Variants in OSBPL6 observed in about 807,000 individuals in gnomAD.
The protein encoded by OSBPL6 is oxysterol-binding protein-related protein 6.
Under a neutral mutation model 125.8 loss-of-function variants are expected in OSBPL6, and 49 were observed. That is an observed-to-expected ratio of 0.39 (90% CI 0.31 to 0.49). The LOEUF is 0.49. Ranked by LOEUF, OSBPL6 falls within the 20% of genes least tolerant of loss-of-function variation. The pLI is 0.88. For missense variants in OSBPL6, 986 were observed against 1,135.4 expected, an observed-to-expected ratio of 0.87 and a Z score of 1.89; for synonymous variants, 394 against 391.8, an observed-to-expected ratio of 1.01 and a Z score of -0.07.
chr2:178,392,905 G>A lies in OSBPL6; in HGVS notation c.2573+367G>A, dbSNP rs549974343. Reference sequence around the variant, plus strand: ...ACTATTATGGCTTGGGGCTTTAGAGGTCATTGTGACTTATTTTTACTACCA... The same window carrying A: ...ACTATTATGGCTTGGGGCTTTAGAGATCATTGTGACTTATTTTTACTACCA... On this transcript the variant is annotated intron_variant, in intron 23 of 24. Coordinates refer to ENST00000190611, the MANE Select transcript of OSBPL6 (RefSeq NM_032523.4). Among the ~76,000 whole-genome samples the A allele has an allele frequency of 5.3e-5, 8 of 150,240 alleles. No homozygotes were observed. The East Asian group carries it at 1.2e-3, about 22-fold the overall frequency.
At chr2:178,292,232 T>G (rs2154046539) in intron 2 of OSBPL6, among the ~76,000 whole-genome samples, 1 of 152,274 alleles carries the variant, frequency 6.6e-6, no homozygotes, top group Non-Finnish European at 1.5e-5. Flanking sequence ...AATCCAACAT[T>G]TGTGAATTAT....
chr2:178,314,095 G>A (rs1687532081), intron 3 of OSBPL6, among the ~76,000 whole-genome samples: 1 of 152,226 alleles, frequency 6.6e-6, no homozygotes, highest in African/African-American at 2.4e-5. Flanking sequence ...CTGAGCCTCT[G>A]TAGCATCTTC....
At chr2:178,206,206 C>T (rs752577856) in intron 1 of OSBPL6, among the ~76,000 whole-genome samples, 1 of 152,014 alleles carries the variant, frequency 6.6e-6, no homozygotes, top group Non-Finnish European at 1.5e-5. Flanking sequence ...TAGAATGAAA[C>T]AAAAAAGACC....
At chr2:178,229,722 T>C (rs536153716) in intron 1 of OSBPL6, among the ~76,000 whole-genome samples, 1 of 152,144 alleles carries the variant, frequency 6.6e-6, no homozygotes, top group African/African-American at 2.4e-5. Context: ...CTCAGCTACG[T>C]GGGAAGCTAC....
chr2:178,197,432 G>A (rs2088966399), intron 1 of OSBPL6, among the ~76,000 whole-genome samples: 1 of 152,132 alleles, frequency 6.6e-6, no homozygotes, highest in Non-Finnish European at 1.5e-5. Context: ...TGGGTTTCAT[G>A]GTGAGTTTCT....
In OSBPL6 at chr2:178,401,490, C is replaced by G. The variant is rs1696103096; in HGVS notation, c.*5931C>G. On this transcript the variant is annotated 3_prime_UTR_variant, in exon 25 of 25. Coordinates refer to ENST00000190611, the MANE Select transcript of OSBPL6 (RefSeq NM_032523.4). ...CATCCTGAGCCTAAAAGCCTTATTC[C>G]TTATATCCGGAGCCTAAAAGTTTGC... is the stretch of plus-strand genomic sequence containing the variant. The G allele has an allele frequency of 6.6e-6, 1 of 152,172 alleles. No homozygotes were observed. The highest frequency in any genetic ancestry group is 2.4e-5 in the African/African-American group (1 of 41,440). 9.4% of individuals were successfully genotyped at this position (152,172 alleles called of 1,614,324 possible).
intron 3 of OSBPL6, among the ~76,000 whole-genome samples, chr2:178,308,619 C>T (rs1686994923): frequency 1.3e-5 from 2 of 152,164 alleles, no homozygotes; most frequent in South Asian, 4.1e-4. Context: ...TGCACTGCCG[C>T]TTGAGTGGTA....
intron 4 of OSBPL6, 73 bp from the exon 5 acceptor site, chr2:178,328,183 A>G (rs1688863871): frequency 6.3e-7 from 1 of 1,586,682 alleles, no homozygotes; most frequent in Admixed American, 1.8e-5. Flanking sequence ...AGCAACTTCT[A>G]CTTAAGAATC....
chr2:178,301,065 AT>A (rs1686232224), intron 2 of OSBPL6, among the ~76,000 whole-genome samples: 1 of 152,062 alleles, frequency 6.6e-6, no homozygotes, highest in Non-Finnish European at 1.5e-5. Context: ...CTAAAATTAG[AT>A]TTTTTGAACA....
intron 1 of OSBPL6, among the ~76,000 whole-genome samples, chr2:178,278,987 T>C (rs1400090313): frequency 2.0e-5 from 3 of 152,196 alleles, no homozygotes; most frequent in Non-Finnish European, 4.4e-5. Flanking sequence ...GTGTGAGCAT[T>C]GAAATAAAAC....
chr2:178,244,736 T>C (rs907808947), intron 1 of OSBPL6, among the ~76,000 whole-genome samples: 3 of 152,228 alleles, frequency 2.0e-5, no homozygotes, highest in African/African-American at 7.2e-5. Context: ...TGGTTAACAA[T>C]TTAATTTGAA....
At chr2:178,303,146 G>A (rs1481784212) in intron 2 of OSBPL6, among the ~76,000 whole-genome samples, 2 of 152,136 alleles carry the variant, frequency 1.3e-5, no homozygotes, top group Non-Finnish European at 2.9e-5. Context: ...GTCAAGTGGA[G>A]GTTTATTACT....
At position 178,210,823 on chromosome 2, in the gene OSBPL6, A is replaced by AC. The variant is rs1553519679; in HGVS notation, c.-351+16149_-351+16150insC. Among the ~76,000 whole-genome samples, 1,218 of 145,478 alleles carry AC rather than the reference A, an allele frequency of 8.4e-3. 17 individuals carry two copies. The highest frequency in any genetic ancestry group is 0.064 in the East Asian group (321 of 4,986). On this transcript the variant is annotated intron_variant, in intron 1 of 24. Coordinates refer to ENST00000190611, the MANE Select transcript of OSBPL6 (RefSeq NM_032523.4). ...GTGAGACAATGTTTCAAAAAAAAAA[A>AC]ACACACACACACACACACACACACA...
intron 2 of OSBPL6, among the ~76,000 whole-genome samples, chr2:178,304,658 C>T (rs1686599274): frequency 6.6e-6 from 1 of 152,184 alleles, no homozygotes; most frequent in Non-Finnish European, 1.5e-5. Context: ...CCCATTAGGC[C>T]TCACTTCCCA....
At chr2:178,294,824 G>A (rs1047559263) in intron 2 of OSBPL6, among the ~76,000 whole-genome samples, 2 of 149,410 alleles carry the variant, frequency 1.3e-5, no homozygotes, top group East Asian at 2.0e-4. Flanking sequence ...TTGAGGGCAC[G>A]GCTGAATTGA....
Position 178,204,518 on chromosome 2 carries a change from T to G in OSBPL6, c.-351+9844T>G, listed in dbSNP as rs546102072. 1.2e-4 allele frequency among the ~76,000 whole-genome samples: 18 copies of G among 152,334 alleles called. No individual in the cohort carries two copies. In the South Asian group the frequency reaches 2.3e-3, roughly 19 times the overall value. ...GGTAGTAACCTAGTGTAGTCTTTCT[T>G]AGGACTCACCTCACTCCTTTCCTCT... is the stretch of plus-strand genomic sequence containing the variant. On this transcript the variant is annotated intron_variant, in intron 1 of 24. Transcript: ENST00000190611.
At chr2:178,342,399 G>T (rs985205391) in intron 11 of OSBPL6, among the ~76,000 whole-genome samples, 1 of 151,998 alleles carries the variant, frequency 6.6e-6, no homozygotes, top group African/African-American at 2.4e-5. Context: ...AAAATTGACC[G>T]CAAGAAAGTA....
intron 2 of OSBPL6, among the ~76,000 whole-genome samples, chr2:178,298,050 A>G (rs532526175): frequency 6.6e-6 from 1 of 152,270 alleles, no homozygotes; most frequent in African/African-American, 2.4e-5. Flanking sequence ...GATAACCACC[A>G]TTCTACCTTC....
intron 1 of OSBPL6, among the ~76,000 whole-genome samples, chr2:178,260,043 ATTC>A (rs1205502301): frequency 6.6e-6 from 1 of 152,174 alleles, no homozygotes; most frequent in Non-Finnish European, 1.5e-5. Context: ...TAATTCTAAT[ATTC>A]TTCTTCATTA....
Sources: gnomAD v4.1 joint callset for allele counts (sites outside exome capture counted in the v4.1 genomes callset) on GRCh38, gnomAD v4.1.1 for gene constraint, MANE v1.5 for transcripts, NCBI Gene and HGNC (gene_info 2026-07-23, HGNC 2026-07-21) for gene names.